LOXHD1: variants seen among roughly 807,000 people sequenced by gnomAD.
The protein encoded by LOXHD1 is lipoxygenase homology domain-containing protein 1.
A neutral mutation model predicts 248.2 loss-of-function variants in LOXHD1; 205 were observed. The ratio of observed to expected loss-of-function variants is 0.83; its 90% confidence interval spans 0.74 to 0.93. The LOEUF (loss-of-function observed/expected upper bound fraction) is 0.93, where lower values mean the gene tolerates loss of function less well. LOXHD1 is among the 40% of genes least tolerant of loss of function. The pLI is 0.00. For missense variants in LOXHD1, 2,930 were observed against 2,971.6 expected, an observed-to-expected ratio of 0.99 and a Z score of 0.33; for synonymous variants, 1,113 against 1,162.8, an observed-to-expected ratio of 0.96 and a Z score of 0.87.
intron 15 of LOXHD1, among the ~76,000 whole-genome samples, chr18:46,570,640 C>T (rs1024216489): frequency 1.3e-5 from 2 of 152,182 alleles, no homozygotes; most frequent in Admixed American, 1.3e-4. Flanking sequence ...TATTTTCCAT[C>T]TCAACCAGGG....
chr18:46,562,456 C>T (rs1280135471), intron 18 of LOXHD1, among the ~76,000 whole-genome samples: 3 of 152,266 alleles, frequency 2.0e-5, no homozygotes, highest in Non-Finnish European at 4.4e-5. Flanking sequence ...CTCTTGCCAA[C>T]ACCATGCCCA....
intron 21 of LOXHD1, among the ~76,000 whole-genome samples, chr18:46,555,955 C>G (rs1015342183): frequency 6.6e-6 from 1 of 152,076 alleles, no homozygotes; most frequent in Non-Finnish European, 1.5e-5. Context: ...CAGGCCCAAT[C>G]GGGCCTACCC....
At chr18:46,492,786 G>A (rs533263378) in intron 37 of LOXHD1, among the ~76,000 whole-genome samples, 3 of 152,048 alleles carry the variant, frequency 2.0e-5, no homozygotes, top group East Asian at 3.9e-4. Flanking sequence ...ATATAAATAC[G>A]GACTCATTCT....
intron 14 of LOXHD1, among the ~76,000 whole-genome samples, chr18:46,575,336 C>T (rs2037833368): frequency 6.6e-6 from 1 of 152,208 alleles, no homozygotes. Context: ...ACTGCCACCA[C>T]TAAGGGCCAA....
rs1425657509 is a variant in LOXHD1, at chr18:46,477,561, C to T, written c.6733G>A (p.Gly2245Ser). The T allele has an allele frequency of 3.2e-5, 50 of 1,551,602 alleles. No homozygotes were observed. In the East Asian group the frequency reaches 4.9e-4, roughly 15 times the overall value. ...CCACAGTTGAAGATGGTGGCCACGC[C>T]GGTGCTGGTGTTGGTGACCTCCACC... is the stretch of plus-strand genomic sequence containing the variant. ...EKVEVTNTSTGVATIFNCGRW... is the reference protein window; with the variant it reads ...EKVEVTNTSTSVATIFNCGRW... The change falls in exon 41 of 41, where the codon GGC (glycine) becomes AGC (serine). Residue 2245 changes from glycine to serine, a missense_variant. By Grantham distance (56) the Gly-to-Ser change is moderately conservative (BLOSUM62 0). Coordinates refer to ENST00000642948, the MANE Select transcript of LOXHD1 (RefSeq NM_001384474.1).
chr18:46,627,936 TC>T (rs1324380813), intron 4 of LOXHD1, among the ~76,000 whole-genome samples: 18 of 152,204 alleles, frequency 1.2e-4, no homozygotes, highest in African/African-American at 3.4e-4. Flanking sequence ...CCGTCTAGAC[TC>T]TAAGCTCCTA....
At chr18:46,651,097 A>T (rs1457246255) in intron 1 of LOXHD1, among the ~76,000 whole-genome samples, 2 of 152,216 alleles carry the variant, frequency 1.3e-5, no homozygotes, top group Admixed American at 6.5e-5. Flanking sequence ...GGCAGATTAG[A>T]TGTAGCTCAA....
At position 46,560,240 on chromosome 18, in the gene LOXHD1, C is replaced by T. The variant is rs540282959; in HGVS notation, c.2904G>A (p.Glu968=). 18 of 1,552,018 alleles carry T rather than the reference C, an allele frequency of 1.2e-5. No homozygotes were observed. The highest frequency in any genetic ancestry group is 7.8e-5 in the Admixed American group (4 of 51,014). Residue 968 remains glutamate (E), a synonymous_variant, in exon 19 of 41, where the codon GAG becomes GAA. Coordinates refer to ENST00000642948, the MANE Select transcript of LOXHD1 (RefSeq NM_001384474.1). ...CCTCTTCCTCCTCTTCTTCCATCTCCTCCTCCTCTGACGAGGACTCCTCTG... is the reference window on the plus strand; with the variant it reads ...CCTCTTCCTCCTCTTCTTCCATCTCTTCCTCCTCTGACGAGGACTCCTCTG... ...SSSEESSSEE[E]EMEEEEEEEE...
Position 46,560,485 on chromosome 18 carries a change from A to G in LOXHD1, c.2659T>C (p.Phe887Leu). 1 of 1,539,044 alleles carries G rather than the reference A, an allele frequency of 6.5e-7. No homozygotes were observed. Among genetic ancestry groups the G allele is most frequent in the Middle Eastern group, 1.7e-4 (1 of 5,972 alleles). Residue 887 changes from phenylalanine (F) to leucine (L), a missense_variant, in exon 19 of 41, where the codon TTT becomes CTT. Transcript: ENST00000642948. ...GTGTCCACGAACCAGCTGGGCCCAA[A>G]GCCCTCGCCCGTGTGCCCGAGCCGG... is the stretch of plus-strand genomic sequence containing the variant. ...KLRLGHTGEG[F>L]GPSWFVDTVW...
In LOXHD1 at chr18:46,618,256, A is replaced by G; in HGVS notation, c.546T>C (p.Asp182=). The change falls in exon 5 of 41, where the codon GAT becomes GAC. Residue 182 remains aspartate, a synonymous_variant. Coordinates refer to ENST00000642948, the MANE Select transcript of LOXHD1 (RefSeq NM_001384474.1). ...CAGCATCTGTCCCTGCACCAATTAC[A>G]TCACCAGTGTATACCTTGACTTCAT... ...NKYEVKVYTG[D]VIGAGTDADV... 6.4e-7 allele frequency: 1 copy of G among 1,551,452 alleles called. No individual in the cohort carries two copies. The highest frequency in any genetic ancestry group is 8.7e-7 in the Non-Finnish European group (1 of 1,146,790).
At chr18:46,573,001 C>T (rs575472274) in intron 14 of LOXHD1, among the ~76,000 whole-genome samples, 13 of 119,656 alleles carry the variant, frequency 1.1e-4, no homozygotes, top group African/African-American at 2.9e-4. Flanking sequence ...CCAGCCTGGG[C>T]GACAGGGTGA....
intron 21 of LOXHD1, among the ~76,000 whole-genome samples, chr18:46,556,202 C>T (rs2037323047): frequency 6.6e-6 from 1 of 151,910 alleles, no homozygotes. Context: ...AGCTGTTGTT[C>T]CAGAGACCAA....
chr18:46,555,872 A>G (rs1002051305), intron 21 of LOXHD1, among the ~76,000 whole-genome samples: 17 of 152,192 alleles, frequency 1.1e-4, no homozygotes, highest in Admixed American at 6.5e-5. Context: ...ATGGGAAGAC[A>G]TAACACTCTC....
intron 31 of LOXHD1, 113 bp downstream of exon 31, chr18:46,524,353 G>A: frequency 7.2e-7 from 1 of 1,386,764 alleles, no homozygotes; most frequent in Non-Finnish European, 9.8e-7. Context: ...AAATGACTAA[G>A]TGTTAGATAT....
intron 5 of LOXHD1, among the ~76,000 whole-genome samples, chr18:46,614,146 T>A (rs1356407299): frequency 6.6e-6 from 1 of 152,216 alleles, no homozygotes; most frequent in African/African-American, 2.4e-5. Context: ...TCAACCATTG[T>A]GGAAGACAGG....
At chr18:46,533,666 G>A in intron 27 of LOXHD1, 2 of 335,738 alleles carry the variant, frequency 6.0e-6, no homozygotes, top group African/African-American at 2.2e-5. Context: ...GCTCATGCCT[G>A]TAATCTCAGC....
intron 4 of LOXHD1, among the ~76,000 whole-genome samples, chr18:46,620,623 G>C (rs1041774677): frequency 1.3e-5 from 2 of 152,200 alleles, no homozygotes; most frequent in Non-Finnish European, 1.5e-5. Context: ...GGGTTGGGGA[G>C]GGAGTTTCCC....
chr18:46,592,487 G>T lies in LOXHD1; in HGVS notation c.1518+11C>A. On this transcript the variant is annotated intron_variant, in intron 11 of 40. Transcript: ENST00000642948. ...CAACAACCTCCCAAACCCCAAGATG[G>T]TGCATCTCACCCTTTCTAAATGCCA... The T allele has an allele frequency of 6.5e-7, 1 of 1,548,088 alleles. No individual in the cohort carries two copies. Among genetic ancestry groups the T allele is most frequent in the Non-Finnish European group, 8.7e-7 (1 of 1,143,918 alleles).
intron 4 of LOXHD1, among the ~76,000 whole-genome samples, chr18:46,632,764 C>T (rs1449953004): frequency 6.6e-6 from 1 of 152,096 alleles, no homozygotes; most frequent in Non-Finnish European, 1.5e-5. Flanking sequence ...TTCCACAGGC[C>T]CCAGAAGGTG....
Sources: allele counts gnomAD v4.1 joint callset (sites outside exome capture counted in the v4.1 genomes callset), GRCh38; gene constraint gnomAD v4.1.1; transcripts MANE v1.5; gene names NCBI Gene and HGNC (gene_info 2026-07-23, HGNC 2026-07-21).